The following PCDHGB4 variants were observed in gnomAD, a reference collection of about 807,000 sequenced individuals.
PCDHGB4 encodes the protein protocadherin gamma-B4.
PCDHGB4 carries 38 observed loss-of-function variants against 60.5 expected under a neutral mutation model. The ratio of observed to expected loss-of-function variants is 0.63; its 90% confidence interval spans 0.48 to 0.82. The LOEUF is 0.82. Among genes scored for constraint, PCDHGB4 ranks in the 40% least tolerant of loss-of-function variants. The pLI is 0.00. For missense variants in PCDHGB4, 1,109 were observed against 1,209.6 expected, an observed-to-expected ratio of 0.92 and a Z score of 1.23; for synonymous variants, 456 against 509.7, an observed-to-expected ratio of 0.89 and a Z score of 1.42.
chr5:141,400,155 A>C lies in PCDHGB4; in HGVS notation c.2397+9874A>C, dbSNP rs756922498. The C allele has an allele frequency of 5.0e-6, 8 of 1,613,966 alleles. 1 individual carries two copies. The South Asian group carries it at 6.6e-5, about 13-fold the overall frequency. ...TGCCGGATATCACTGACCGCCCTGT[A>C]CCCTCTGACCCCCAGGCTGAGCTGC... On this transcript the variant is annotated intron_variant, in intron 1 of 3. Transcript: ENST00000519479.
chr5:141,497,812 T>C (rs947015544), intron 2 of PCDHGB4, among the ~76,000 whole-genome samples: 2 of 152,202 alleles, frequency 1.3e-5, no homozygotes, highest in African/African-American at 4.8e-5. Flanking sequence ...AGTGCTAGAA[T>C]TACAGGTGTG....
chr5:141,412,093 GCA>G (rs1252719565), intron 1 of PCDHGB4: 2 of 152,146 alleles, frequency 1.3e-5, no homozygotes, highest in Non-Finnish European at 2.9e-5. Flanking sequence ...GGGTTGATGG[GCA>G]CACACAGTTG....
intron 1 of PCDHGB4, chr5:141,419,166 A>G: frequency 6.2e-7 from 1 of 1,613,944 alleles, no homozygotes; most frequent in Non-Finnish European, 8.5e-7. Context: ...TCCTCCAGCA[A>G]AACCATAACC....
At chr5:141,481,323 C>T (rs539518691) in intron 1 of PCDHGB4, among the ~76,000 whole-genome samples, 1 of 152,284 alleles carries the variant, frequency 6.6e-6, no homozygotes, top group Non-Finnish European at 1.5e-5. Flanking sequence ...AAAGCACTAG[C>T]CCCTGGACAA....
chr5:141,494,936 G>C, intron 2 of PCDHGB4, 71 bp downstream of exon 2: 1 of 1,612,574 alleles, frequency 6.2e-7, no homozygotes, highest in South Asian at 1.1e-5. Flanking sequence ...GGAGGAGATG[G>C]GGGAGGGCCC....
At chr5:141,391,498 G>A (rs974621252) in intron 1 of PCDHGB4, 1 of 151,980 alleles carries the variant, frequency 6.6e-6, no homozygotes, top group African/African-American at 2.4e-5. Flanking sequence ...TTTCAGTAGA[G>A]AAAATATTTT....
At chr5:141,402,799 C>G in intron 1 of PCDHGB4, 1 of 1,061,846 alleles carries the variant, frequency 9.4e-7, no homozygotes, top group Non-Finnish European at 1.3e-6. Flanking sequence ...TACACAAAAC[C>G]CGGCAGATAC....
chr5:141,398,900 G>C (rs765284630), intron 1 of PCDHGB4: 1 of 1,613,964 alleles, frequency 6.2e-7, no homozygotes, highest in South Asian at 1.1e-5. Context: ...GTGCCACCAG[G>C]CACCACTGTG....
chr5:141,407,009 T>C (rs1388688972), intron 1 of PCDHGB4, among the ~76,000 whole-genome samples: 1 of 152,198 alleles, frequency 6.6e-6, no homozygotes, highest in Non-Finnish European at 1.5e-5. Flanking sequence ...AGCTTTGAAG[T>C]TGACTCAAAA....
rs570029585 is a variant in PCDHGB4 at position 141,389,223 on chromosome 5, G to A, written c.1339G>A (p.Ala447Thr). The change falls in exon 1 of 4, where the codon GCT becomes ACT. Residue 447 changes from alanine to threonine, a missense_variant. By Grantham distance (58) the Ala-to-Thr change is moderately conservative. Coordinates refer to ENST00000519479, the MANE Select transcript of PCDHGB4 (RefSeq NM_003736.4). ...GCACATTGGTGATGTAAATGACAAC[G>A]CTCCGGTTTTCTCACAGTCTTCCTA... ...TLHIGDVNDN[A>T]PVFSQSSYIV... is the part of the protein sequence containing the mutation. 5.0e-6 allele frequency: 8 copies of A among 1,613,994 alleles called. No homozygotes were observed. The African/African-American group carries it at 8.0e-5, about 16-fold the overall frequency.
intron 1 of PCDHGB4, chr5:141,403,630 G>A (rs2094436948): frequency 3.1e-6 from 5 of 1,613,786 alleles, no homozygotes; most frequent in Middle Eastern, 3.3e-4. Flanking sequence ...CCAGCACAGT[G>A]CGCATCCATG....
At chr5:141,393,867 T>G in intron 1 of PCDHGB4, 1 of 1,614,000 alleles carries the variant, frequency 6.2e-7, no homozygotes. Context: ...CATTACGTCT[T>G]TGTTTAGCCC....
rs200349213 is a variant in PCDHGB4 at position 141,425,728 on chromosome 5, GGAT to G, written c.2397+35449_2397+35451del. Among the ~76,000 whole-genome samples the G allele has an allele frequency of 9.8e-4, 149 of 152,196 alleles. 2 individuals carry two copies. In the East Asian group the frequency reaches 0.027, roughly 28 times the overall value. ...AAAATTTTCCCATACCACTTGATGG[GGAT>G]GTTTTCCCACAAGGTTTTTGTTCTA... On this transcript the variant is annotated intron_variant, in intron 1 of 3. Transcript: ENST00000519479.
At chr5:141,445,086 A>T (rs190267063) in intron 1 of PCDHGB4, among the ~76,000 whole-genome samples, 163 of 152,322 alleles carry the variant, frequency 1.1e-3, no homozygotes, top group African/African-American at 3.6e-3. Flanking sequence ...TTGTCCCTAC[A>T]TATTTGATGT....
intron 1 of PCDHGB4, among the ~76,000 whole-genome samples, chr5:141,460,173 A>C (rs2098983888): frequency 6.6e-6 from 1 of 152,004 alleles, no homozygotes; most frequent in Admixed American, 6.6e-5. Flanking sequence ...TATTTTGTGG[A>C]TATTTTATCC....
intron 1 of PCDHGB4, chr5:141,399,518 G>C (rs2093824828): frequency 6.2e-7 from 1 of 1,613,994 alleles, no homozygotes. Flanking sequence ...AACCCTCCTG[G>C]GGCCTCCATC....
rs934674909 is a variant in PCDHGB4, at chr5:141,511,083, A to C, written c.2682A>C (p.Thr894=). Residue 894 remains threonine, a synonymous_variant, in exon 4 of 4, where the codon ACA becomes ACC. Transcript: ENST00000519479. The part of the protein sequence containing the change: ...QNVYIPGSNA[T]LTNAAGKRDG... Reference sequence around the variant, plus strand: ...TCTACATCCCAGGCAGCAATGCCACACTGACCAACGCAGCTGGCAAGCGGG... The same window carrying C: ...TCTACATCCCAGGCAGCAATGCCACCCTGACCAACGCAGCTGGCAAGCGGG... 1.2e-6 allele frequency: 2 copies of C among 1,614,108 alleles called. No homozygotes were observed. Among genetic ancestry groups the C allele is most frequent in the African/African-American group, 2.7e-5 (2 of 74,940 alleles).
At chr5:141,449,025 C>G (rs2154562458) in intron 1 of PCDHGB4, among the ~76,000 whole-genome samples, 1 of 152,216 alleles carries the variant, frequency 6.6e-6, no homozygotes, top group East Asian at 1.9e-4. Flanking sequence ...GCTTAGCATT[C>G]CTTTGGATTA....
intron 1 of PCDHGB4, among the ~76,000 whole-genome samples, chr5:141,459,575 G>T (rs2098970751): frequency 1.3e-5 from 2 of 152,132 alleles, no homozygotes; most frequent in Admixed American, 6.5e-5. Context: ...AAACAGAATT[G>T]TTTTGGGGGT....
Sources: allele counts gnomAD v4.1 joint callset (sites outside exome capture counted in the v4.1 genomes callset), GRCh38; gene constraint gnomAD v4.1.1; transcripts MANE v1.5; gene names NCBI Gene and HGNC (gene_info 2026-07-23, HGNC 2026-07-21).